Variants in DOCK9 observed in about 807,000 individuals in gnomAD.
DOCK9 encodes the protein dedicator of cytokinesis 9, also known as dedicator of cytokinesis protein 9.
Under a neutral mutation model 263.3 loss-of-function variants are expected in DOCK9, and 89 were observed. The observed-to-expected ratio is 0.34, with a 90% CI of 0.28 to 0.40. DOCK9 has a LOEUF of 0.40. DOCK9 is among the 10% of genes least tolerant of loss of function. The pLI is 1.00. For synonymous variants in DOCK9, 976 were observed against 973.1 expected, an observed-to-expected ratio of 1.00 and a Z score of -0.06; for missense variants, 2,140 against 2,603.4, an observed-to-expected ratio of 0.82 and a Z score of 3.87.
intron 3 of DOCK9, among the ~76,000 whole-genome samples, chr13:98,927,504 C>T (rs2053169814): frequency 6.6e-6 from 1 of 152,128 alleles, no homozygotes; most frequent in South Asian, 2.1e-4. Context: ...AAGTCTCCTG[C>T]AGGACATTAA....
Position 98,823,309 on chromosome 13 carries a change from G to A in DOCK9, c.5130+1089C>T, listed in dbSNP as rs184194299. On this transcript the variant is annotated intron_variant, in intron 45 of 52. Coordinates refer to ENST00000682017, the MANE Select transcript of DOCK9 (RefSeq NM_001366683.2). ...ATAGACATTCAGTAGCAAGAGTACC[G>A]CCTCAAAGACTCACTGAAAGGTTCC... Among the ~76,000 whole-genome samples, 235 of 152,220 alleles carry A rather than the reference G, an allele frequency of 1.5e-3. 10 individuals are homozygous for A. In the South Asian group the frequency reaches 0.043, roughly 28 times the overall value.
chr13:98,924,193 G>A (rs1288321004), intron 4 of DOCK9, among the ~76,000 whole-genome samples: 1 of 152,174 alleles, frequency 6.6e-6, no homozygotes, highest in Non-Finnish European at 1.5e-5. Flanking sequence ...GAACTAAAGG[G>A]CTACCCATCT....
intron 1 of DOCK9, among the ~76,000 whole-genome samples, chr13:99,042,396 C>T (rs1888546386): frequency 6.6e-6 from 1 of 152,236 alleles, no homozygotes; most frequent in Non-Finnish European, 1.5e-5. Context: ...TCTTCCTGCA[C>T]ATCAGCTGCC....
intron 3 of DOCK9, among the ~76,000 whole-genome samples, chr13:98,926,513 A>G (rs1043013629): frequency 6.6e-6 from 1 of 152,158 alleles, no homozygotes; most frequent in Admixed American, 6.5e-5. Flanking sequence ...ACTGCCAAGG[A>G]TTCTATTAGT....
At position 98,978,057 on chromosome 13, in the gene DOCK9, CAG is replaced by C. The variant is rs1875723855; in HGVS notation, c.-150_-149del. 1.4e-6 allele frequency: 2 copies of C among 1,432,672 alleles called. No individual in the cohort carries two copies. Among genetic ancestry groups the C allele is most frequent in the African/African-American group, 2.9e-5 (2 of 69,760 alleles). The allele number at this position is 1,432,672 out of a possible 1,614,324, so 88.7% of individuals were successfully genotyped here. On this transcript the variant is annotated 5_prime_UTR_variant, in exon 1 of 53. Coordinates refer to ENST00000682017, the MANE Select transcript of DOCK9 (RefSeq NM_001366683.2). ...TGGTCAGCCCCGCTGGCTGGGTCTG[CAG>C]AGCCTGTGGGGTGGGAAGGCATGAC...
At position 99,005,281 on chromosome 13, in the gene DOCK9, A is replaced by G. The variant is rs548088399; in HGVS notation, c.130-49730T>C. Among the ~76,000 whole-genome samples the G allele has an allele frequency of 2.0e-5, 3 of 152,320 alleles. No individual in the cohort carries two copies. The South Asian group carries it at 6.2e-4, about 32-fold the overall frequency. On this transcript the variant is annotated intron_variant, in intron 1 of 32. Transcript: ENST00000427887. Reference sequence around the variant, plus strand: ...ACCCTTAGCTCCTGAATCTTAACCAATATGTCTCATAAGATCACTTAATTC... The same window carrying G: ...ACCCTTAGCTCCTGAATCTTAACCAGTATGTCTCATAAGATCACTTAATTC...
At chr13:98,939,114 C>G (rs1165367239) in intron 2 of DOCK9, among the ~76,000 whole-genome samples, 5 of 152,218 alleles carry the variant, frequency 3.3e-5, no homozygotes, top group Admixed American at 3.3e-4. Context: ...AGAGCCAACC[C>G]GAGGAAAGGG....
chr13:98,831,772 G>C lies in DOCK9; in HGVS notation c.4329C>G (p.Ala1443=). The change falls in exon 40 of 53, where the codon GCC becomes GCG. Residue 1443 remains alanine, a synonymous_variant. Coordinates refer to ENST00000682017, the MANE Select transcript of DOCK9 (RefSeq NM_001366683.2). ...FTLAFKNQLL[A]DHGHNPLMKK... ...TCATGAGAGGATTATGTCCATGGTC[G>C]GCCAGGAGCTGGTTCTTAAAACACA... The C allele has an allele frequency of 6.2e-7, 1 of 1,613,776 alleles. No homozygotes were observed. The highest frequency in any genetic ancestry group is 1.1e-5 in the South Asian group (1 of 91,056).
chr13:98,798,499 C>A (rs780406677), intron 50 of DOCK9, among the ~76,000 whole-genome samples: 2 of 151,994 alleles, frequency 1.3e-5, no homozygotes, highest in Non-Finnish European at 2.9e-5. Context: ...CAGGCTGGTG[C>A]GTGGGGGGAA....
intron 27 of DOCK9, among the ~76,000 whole-genome samples, chr13:98,869,595 A>G (rs1229104985): frequency 6.6e-6 from 1 of 152,228 alleles, no homozygotes; most frequent in Non-Finnish European, 1.5e-5. Flanking sequence ...TTTCATCCCC[A>G]TTTTACAGAC....
chr13:98,862,981 C>G lies in DOCK9; in HGVS notation c.3579+38G>C, dbSNP rs766559585. 4 of 1,546,882 alleles carry G rather than the reference C, an allele frequency of 2.6e-6. No individual in the cohort carries two copies. In the South Asian group the frequency reaches 4.7e-5, roughly 18 times the overall value. ...CGCTTTGTCCTGGCTTCCCCGGGACCTGATATAGGCTGAGTTAATGTGACC... is the reference window on the plus strand; with the variant it reads ...CGCTTTGTCCTGGCTTCCCCGGGACGTGATATAGGCTGAGTTAATGTGACC... On this transcript the variant is annotated intron_variant, in intron 32 of 52. Transcript: ENST00000682017.
intron 1 of DOCK9, among the ~76,000 whole-genome samples, chr13:98,999,473 A>T (rs779329704): frequency 1.3e-5 from 2 of 152,212 alleles, no homozygotes; most frequent in Non-Finnish European, 2.9e-5. Context: ...GCTTGTTTCC[A>T]GATCATCTGG....
intron 18 of DOCK9, among the ~76,000 whole-genome samples, chr13:98,887,365 C>T (rs868662873): frequency 2.7e-5 from 4 of 150,496 alleles, no homozygotes; most frequent in South Asian, 2.1e-4. Flanking sequence ...GCCTGTAATC[C>T]CAGCATTTTG....
chr13:99,046,033 G>A (rs1478070196), intron 1 of DOCK9, among the ~76,000 whole-genome samples: 5 of 151,694 alleles, frequency 3.3e-5, no homozygotes, highest in Middle Eastern at 3.4e-3. Context: ...CCCGGGAGGC[G>A]GAGCTTACAG....
chr13:99,005,398 T>G (rs1408122125), intron 1 of DOCK9, among the ~76,000 whole-genome samples: 1 of 152,156 alleles, frequency 6.6e-6, no homozygotes, highest in Non-Finnish European at 1.5e-5. Context: ...TTTCCTGAAT[T>G]GCAATTAAAC....
rs182230092 is a variant in DOCK9 at position 98,793,741 on chromosome 13, C to T, written c.*885G>A. 1 of 152,648 alleles carries T rather than the reference C, an allele frequency of 6.6e-6. No homozygotes were observed. Among genetic ancestry groups the T allele is most frequent in the African/African-American group, 2.4e-5 (1 of 41,530 alleles). 9.5% of individuals were successfully genotyped at this position (152,648 alleles called of 1,614,324 possible). Reference sequence around the variant, plus strand: ...GAAATTCTTAAAACTGTTTATAAACCTAATATAGTAAAGACTGTATACATC... The same window carrying T: ...GAAATTCTTAAAACTGTTTATAAACTTAATATAGTAAAGACTGTATACATC... On this transcript the variant is annotated 3_prime_UTR_variant, in exon 53 of 53. Coordinates refer to ENST00000682017, the MANE Select transcript of DOCK9 (RefSeq NM_001366683.2).
intron 9 of DOCK9, among the ~76,000 whole-genome samples, chr13:98,909,281 C>T (rs2049625287): frequency 6.6e-6 from 1 of 152,206 alleles, no homozygotes. Flanking sequence ...GCACTAATGA[C>T]ACACCCTGAC....
chr13:99,046,957 C>T (rs570792718), intron 1 of DOCK9, among the ~76,000 whole-genome samples: 2 of 152,354 alleles, frequency 1.3e-5, no homozygotes, highest in South Asian at 2.1e-4. Flanking sequence ...TAAGGATGAG[C>T]GTGAAGAGAG....
Position 98,906,623 on chromosome 13 carries a change from C to T in DOCK9, c.961-1917G>A, listed in dbSNP as rs79120468. On this transcript the variant is annotated intron_variant, in intron 9 of 52. Coordinates refer to ENST00000682017, the MANE Select transcript of DOCK9 (RefSeq NM_001366683.2). ...GCACTCACAACCACAGCAGAAAAGG[C>T]GTCTTGTCTCTTCTGTTGGTGACAG... 1.8e-3 allele frequency among the ~76,000 whole-genome samples: 279 copies of T among 152,274 alleles called. 1 individual carries two copies. Among genetic ancestry groups the T allele is most frequent in the African/African-American group, 6.2e-3 (258 of 41,548 alleles).
Sources: gnomAD v4.1 joint callset for allele counts (sites outside exome capture counted in the v4.1 genomes callset) on GRCh38, gnomAD v4.1.1 for gene constraint, MANE v1.5 for transcripts, NCBI Gene and HGNC (gene_info 2026-07-23, HGNC 2026-07-21) for gene names.